ENOX1: variants seen among roughly 807,000 people sequenced by gnomAD.
ENOX1 encodes the protein ecto-NOX disulfide-thiol exchanger 1.
ENOX1 carries 42 observed loss-of-function variants against 82.5 expected under a neutral mutation model. The ratio of observed to expected loss-of-function variants is 0.51; its 90% CI spans 0.40 to 0.66. The LOEUF is 0.66. Ranked by LOEUF, ENOX1 falls within the 30% of genes least tolerant of loss-of-function variation. The probability of loss-of-function intolerance (pLI) is 0.00; values close to 1 mark genes in which losing one functional copy is unlikely to be tolerated. For missense variants in ENOX1, 608 were observed against 811.6 expected (o/e 0.75, Z 3.05); for synonymous variants, 271 against 282.2 (o/e 0.96, Z 0.40).
chr13:43,672,231 A>G (rs2085302692), intron 1 of ENOX1, among the ~76,000 whole-genome samples: 2 of 152,224 alleles, frequency 1.3e-5, no homozygotes, highest in South Asian at 2.1e-4. Context: ...AGACACTTCT[A>G]GGATATATGT....
intron 2 of ENOX1, among the ~76,000 whole-genome samples, chr13:43,633,323 G>A (rs181081002): frequency 1.3e-5 from 2 of 152,176 alleles, no homozygotes; most frequent in Non-Finnish European, 2.9e-5. Flanking sequence ...AGTTATTTTA[G>A]AGGAAATTTG....
At chr13:43,410,625 TACACACACACAC>T (rs60371956) in intron 5 of ENOX1, among the ~76,000 whole-genome samples, 128 of 146,930 alleles carry the variant, frequency 8.7e-4, no homozygotes, top group South Asian at 5.5e-3. Context: ...TACACACATG[TACACACACACAC>T]ACACACACAC....
intron 3 of ENOX1, among the ~76,000 whole-genome samples, chr13:43,415,259 T>TC (rs2054388167): frequency 7.3e-6 from 1 of 136,514 alleles, no homozygotes; most frequent in Non-Finnish European, 1.6e-5. Context: ...TTTTTTTTTT[T>TC]AGTATTTATT....
chr13:43,718,469 C>G (rs1279920313), intron 1 of ENOX1, among the ~76,000 whole-genome samples: 1 of 151,866 alleles, frequency 6.6e-6, no homozygotes, highest in Non-Finnish European at 1.5e-5. Flanking sequence ...CATTTGTCTC[C>G]CAAACCTCAG....
chr13:43,343,021 C>G (rs548822133), intron 9 of ENOX1, among the ~76,000 whole-genome samples: 1 of 152,314 alleles, frequency 6.6e-6, no homozygotes, highest in South Asian at 2.1e-4. Context: ...GTCTTCCTTG[C>G]TCATTAGGAC....
chr13:43,643,340 C>T (rs944696509), intron 2 of ENOX1, among the ~76,000 whole-genome samples: 1 of 152,150 alleles, frequency 6.6e-6, no homozygotes, highest in Non-Finnish European at 1.5e-5. Flanking sequence ...GCACCCTGGC[C>T]ATTCATGACA....
intron 2 of ENOX1, among the ~76,000 whole-genome samples, chr13:43,616,737 T>A (rs1160273754): frequency 6.6e-6 from 1 of 152,204 alleles, no homozygotes; most frequent in African/African-American, 2.4e-5. Context: ...CATTTCTCTC[T>A]CTTCCCTTCT....
At chr13:43,648,094 T>C (rs1304826548) in intron 2 of ENOX1, among the ~76,000 whole-genome samples, 3 of 152,226 alleles carry the variant, frequency 2.0e-5, no homozygotes, top group Non-Finnish European at 4.4e-5. Context: ...CTGTTAAGAC[T>C]ATACATCTGT....
At chr13:43,513,831 T>C (rs2077462188) in intron 2 of ENOX1, among the ~76,000 whole-genome samples, 1 of 152,104 alleles carries the variant, frequency 6.6e-6, no homozygotes, top group Admixed American at 6.5e-5. Context: ...CCCTTAGCTA[T>C]TAATCACATA....
intron 4 of ENOX1, 31 bp from the exon 5 acceptor site, chr13:43,412,084 T>C (rs1409599673): frequency 3.1e-6 from 5 of 1,604,380 alleles, no homozygotes; most frequent in Admixed American, 3.3e-5. Context: ...TGATTTAGAG[T>C]CCATAGGCAA....
Position 43,582,093 on chromosome 13 carries a change from T to C in ENOX1, c.-219+85386A>G, listed in dbSNP as rs140955825. On this transcript the variant is annotated intron_variant, in intron 2 of 16. Transcript: ENST00000690772. ...CAATAAATTCCCCAAAAAAGAAAAG[T>C]ATAGAAAACATTCTTGTATCATGAT... 1.6e-3 allele frequency among the ~76,000 whole-genome samples: 237 copies of C among 152,170 alleles called. 1 individual carries two copies. The highest frequency in any genetic ancestry group is 5.5e-3 in the African/African-American group (227 of 41,536).
chr13:43,512,394 G>A (rs1047863778), intron 2 of ENOX1, among the ~76,000 whole-genome samples: 1 of 152,002 alleles, frequency 6.6e-6, no homozygotes, highest in Non-Finnish European at 1.5e-5. Context: ...ATTAAAAAAA[G>A]CAACATTCTG....
intron 8 of ENOX1, among the ~76,000 whole-genome samples, 169 bp downstream of exon 8, chr13:43,355,750 C>G (rs986055700): frequency 1.3e-5 from 2 of 152,170 alleles, no homozygotes; most frequent in African/African-American, 4.8e-5. Flanking sequence ...CCCAGCTAAC[C>G]CCACCCCAGC....
intron 2 of ENOX1, among the ~76,000 whole-genome samples, chr13:43,616,983 T>A (rs1311939711): frequency 2.6e-5 from 4 of 152,094 alleles, no homozygotes; most frequent in South Asian, 2.1e-4. Context: ...TCTGGTGACA[T>A]TTTAGTGACT....
In ENOX1 at chr13:43,535,747, G is replaced by GA. The variant is rs201428221; in HGVS notation, c.-218-51596dup. Among the ~76,000 whole-genome samples, 1,165 of 150,294 alleles carry GA rather than the reference G, an allele frequency of 7.8e-3. 12 individuals carry two copies. The highest frequency in any genetic ancestry group is 0.026 in the African/African-American group (1,066 of 41,046). ...TTAGAAGAACTAAGCATCTTTCAAG[G>GA]AAAAAAAAATCCCTGCTAAAATATT... On this transcript the variant is annotated intron_variant, in intron 2 of 16. Transcript: ENST00000690772.
At chr13:43,261,171 C>T (rs1019393471) in intron 14 of ENOX1, among the ~76,000 whole-genome samples, 5 of 152,132 alleles carry the variant, frequency 3.3e-5, no homozygotes, top group Non-Finnish European at 7.3e-5. Context: ...TTGGTCAGAT[C>T]CTGGTGGTAC....
intron 2 of ENOX1, among the ~76,000 whole-genome samples, chr13:43,607,136 T>C (rs1335942515): frequency 6.6e-6 from 1 of 152,208 alleles, no homozygotes; most frequent in African/African-American, 2.4e-5. Context: ...GATAAATGCT[T>C]GAAGAGATGG....
At chr13:43,441,446 A>C (rs918384871) in intron 3 of ENOX1, among the ~76,000 whole-genome samples, 1 of 152,168 alleles carries the variant, frequency 6.6e-6, no homozygotes, top group Non-Finnish European at 1.5e-5. Flanking sequence ...GACAGGAAAA[A>C]AGACAGGAGT....
intron 1 of ENOX1, among the ~76,000 whole-genome samples, chr13:43,759,213 G>C (rs1032904530): frequency 6.7e-6 from 1 of 148,450 alleles, no homozygotes; most frequent in South Asian, 2.1e-4. Flanking sequence ...GTTCCTGCCT[G>C]AGCCTCCTAA....
Sources: gnomAD v4.1 joint callset for allele counts (sites outside exome capture counted in the v4.1 genomes callset) on GRCh38, gnomAD v4.1.1 for gene constraint, MANE v1.5 for transcripts, NCBI Gene and HGNC (gene_info 2026-07-23, HGNC 2026-07-21) for gene names.